FREM1: variants seen among roughly 807,000 people sequenced by gnomAD.
FREM1 encodes FRAS1-related extracellular matrix protein 1.
FREM1 carries 220 observed loss-of-function variants against 210.1 expected under a neutral mutation model. The ratio of observed to expected loss-of-function variants is 1.05; its 90% CI spans 0.94 to 1.17. The LOEUF is 1.17. Among genes scored for constraint, FREM1 ranks in the 50% most tolerant of loss-of-function variants. The pLI, the probability that FREM1 is intolerant of heterozygous loss-of-function variation, is 0.00. For missense variants in FREM1, 3,454 were observed against 2,675.5 expected (o/e 1.29, Z -6.42); for synonymous variants, 1,189 against 980.2 (o/e 1.21, Z -3.98).
intron 27 of FREM1, among the ~76,000 whole-genome samples, chr9:14,765,333 T>G (rs537774642): frequency 6.6e-6 from 1 of 152,198 alleles, no homozygotes; most frequent in Non-Finnish European, 1.5e-5. Context: ...TGCTTTAGAA[T>G]CAAGCACACC....
chr9:14,766,546 C>T (rs569833275), intron 27 of FREM1, among the ~76,000 whole-genome samples: 77 of 152,090 alleles, frequency 5.1e-4, no homozygotes, highest in Non-Finnish European at 5.9e-4. Context: ...ATGAATCTCA[C>T]GAAACAAGCA....
At position 14,801,747 on chromosome 9, in the gene FREM1, C is replaced by A; in HGVS notation, c.3599G>T (p.Gly1200Val). 4 of 1,613,900 alleles carry A rather than the reference C, an allele frequency of 2.5e-6. No individual in the cohort carries two copies. The highest frequency in any genetic ancestry group is 2.5e-6 in the Non-Finnish European group (3 of 1,179,858). ...KPRHGLLIDR[G>V]FSKDFSENKQ... ...ATTCTCAGAGAAGTCTTTGCTAAAC[C>A]CCCTATCGATGAGGAGGCCATGGCG... Residue 1200 changes from glycine (G) to valine (V), a missense_variant, in exon 20 of 37, where the codon GGG (glycine) becomes GTG (valine). Coordinates refer to ENST00000380880, the MANE Select transcript of FREM1 (RefSeq NM_001379081.2).
At chr9:14,767,593 C>T (rs1846667388) in intron 27 of FREM1, among the ~76,000 whole-genome samples, 7 of 152,086 alleles carry the variant, frequency 4.6e-5, no homozygotes, top group Admixed American at 3.9e-4. Context: ...TTGCAAATGG[C>T]TGTAATTTAT....
chr9:14,804,666 C>T (rs769903693), intron 19 of FREM1, among the ~76,000 whole-genome samples: 1 of 152,100 alleles, frequency 6.6e-6, no homozygotes, highest in Non-Finnish European at 1.5e-5. Flanking sequence ...TTCAGAAGCC[C>T]CGACCCTAGG....
At chr9:14,790,386 T>C (rs1043335684) in intron 22 of FREM1, among the ~76,000 whole-genome samples, 5 of 152,198 alleles carry the variant, frequency 3.3e-5, no homozygotes, top group Admixed American at 2.6e-4. Flanking sequence ...TGGAAGTTAA[T>C]TACATCATAA....
intron 2 of FREM1, among the ~76,000 whole-genome samples, chr9:14,866,543 C>T (rs761956524): frequency 6.6e-5 from 10 of 152,138 alleles, no homozygotes; most frequent in Admixed American, 2.0e-4. Context: ...ATCTGCAGGG[C>T]TTTTGTTTTG....
chr9:14,794,985 G>A (rs1455138562), intron 21 of FREM1, among the ~76,000 whole-genome samples: 4 of 130,390 alleles, frequency 3.1e-5, no homozygotes, highest in Non-Finnish European at 6.3e-5. Flanking sequence ...GTGACAGAGC[G>A]AGACTTTCTC....
At chr9:14,820,668 T>G (rs750139056) in intron 13 of FREM1, among the ~76,000 whole-genome samples, 1 of 152,172 alleles carries the variant, frequency 6.6e-6, no homozygotes, top group Non-Finnish European at 1.5e-5. Flanking sequence ...TCATGGAAAT[T>G]ATGAGACCTA....
intron 25 of FREM1, among the ~76,000 whole-genome samples, chr9:14,771,034 C>A (rs193054669): frequency 6.6e-6 from 1 of 152,270 alleles, no homozygotes; most frequent in African/African-American, 2.4e-5. Context: ...TCCACTTTAT[C>A]AATTTGTCTA....
intron 16 of FREM1, among the ~76,000 whole-genome samples, chr9:14,809,981 T>C (rs1283802561): frequency 6.6e-6 from 1 of 152,140 alleles, no homozygotes; most frequent in East Asian, 1.9e-4. Context: ...ATTTTATGTA[T>C]TCCGGCCTGA....
At chr9:14,787,886 T>C (rs1408472434) in intron 23 of FREM1, among the ~76,000 whole-genome samples, 1 of 152,170 alleles carries the variant, frequency 6.6e-6, no homozygotes, top group African/African-American at 2.4e-5. Context: ...CTGAAATCAC[T>C]CATTAGACTT....
chr9:14,881,398 C>G (rs181550630), intron 1 of FREM1, among the ~76,000 whole-genome samples: 1 of 151,366 alleles, frequency 6.6e-6, no homozygotes, highest in Non-Finnish European at 1.5e-5. Flanking sequence ...TCAATCTCAA[C>G]AGGAAAAAAA....
chr9:14,748,604 T>G lies in FREM1; in HGVS notation c.5593A>C (p.Lys1865Gln). The G allele has an allele frequency of 6.2e-7, 1 of 1,613,678 alleles. No homozygotes were observed. Among genetic ancestry groups the G allele is most frequent in the Non-Finnish European group, 8.5e-7 (1 of 1,179,716 alleles). ...CHPSYSSNQS[K>Q]HSTWEKGIWH... ...ATGCCCTTCTCCCATGTGCTGTGCT[T>G]GCTTTGGTTGGAGGAATATGAAGGA... Residue 1865 changes from lysine (K) to glutamine (Q), a missense_variant, in exon 31 of 37, where the codon AAG becomes CAG. Lys to Gln is a moderately conservative substitution (Grantham distance 53). Transcript: ENST00000380880.
At chr9:14,818,458 A>G (rs1307220620) in intron 14 of FREM1, among the ~76,000 whole-genome samples, 1 of 152,184 alleles carries the variant, frequency 6.6e-6, no homozygotes, top group South Asian at 2.1e-4. Flanking sequence ...TCTGATGTAT[A>G]ATATCTCCTA....
Position 14,784,590 on chromosome 9 carries a change from C to T in FREM1, c.4222G>A (p.Asp1408Asn). The change falls in exon 24 of 37, where the codon GAT (aspartate) becomes AAT (asparagine). Residue 1408 changes from aspartate to asparagine, a missense_variant. Coordinates refer to ENST00000380880, the MANE Select transcript of FREM1 (RefSeq NM_001379081.2). ...GTGGTGGTTGTTAAGAAACCTCTAT[C>T]ACCTTTAGACACCACGAGTGGTTTT... is the stretch of plus-strand genomic sequence containing the variant. The part of the protein sequence containing the change: ...LTKPLVVSKG[D>N]RGFLTTTTLL... 3 of 1,605,336 alleles carry T rather than the reference C, an allele frequency of 1.9e-6. No individual in the cohort carries two copies. Among genetic ancestry groups the T allele is most frequent in the South Asian group, 1.1e-5 (1 of 89,558 alleles).
rs1468458159 is a variant in FREM1 at position 14,861,098 on chromosome 9, AACATATATACACATATATAT to A, written c.330-1634_330-1615del. Among the ~76,000 whole-genome samples, 15 of 63,436 alleles carry A rather than the reference AACATATATACACATATATAT, an allele frequency of 2.4e-4. 1 individual carries two copies. Among genetic ancestry groups the A allele is most frequent in the Admixed American group, 5.6e-4 (3 of 5,376 alleles). The allele number at this position is 63,436 out of a possible 152,430, so 41.6% of individuals were successfully genotyped here. A position where few individuals can be genotyped will look rare whatever the true frequency, so the allele number is the denominator to read the frequency against. On this transcript the variant is annotated intron_variant, in intron 3 of 36. Coordinates refer to ENST00000380880, the MANE Select transcript of FREM1 (RefSeq NM_001379081.2). ...ATATACATATATACACATATATATA[AACATATATACACATATATAT>A]ACATATATACACATATATACATATA...
intron 27 of FREM1, among the ~76,000 whole-genome samples, chr9:14,768,318 GT>G (rs59443247): frequency 0.87 from 117,046 of 134,150 alleles, 52,018 homozygotes; most frequent in Non-Finnish European, 0.96. Context: ...TTTGGAGCAG[GT>G]TTTTTTTTTT....
At chr9:14,879,164 A>C (rs897134085) in intron 1 of FREM1, among the ~76,000 whole-genome samples, 2 of 151,950 alleles carry the variant, frequency 1.3e-5, no homozygotes, top group African/African-American at 2.4e-5. Flanking sequence ...TCTCAAAAAA[A>C]AAAAAAAAAG....
chr9:14,737,516 C>T lies in FREM1; in HGVS notation c.6420G>A (p.Gly2140=). Reference sequence around the variant, plus strand: ...TTCCAAGCTTGGAGCGTTGAGAGGGCCCTCTTCTCCCATTGGTGAAGGCAA... The same window carrying T: ...TTCCAAGCTTGGAGCGTTGAGAGGGTCCTCTTCTCCCATTGGTGAAGGCAA... ...EPVAFTNGRR[G]PSQRSKLGKS... Residue 2140 remains glycine (G), a synonymous_variant, in exon 37 of 37, where the codon GGG becomes GGA. Coordinates refer to ENST00000380880, the MANE Select transcript of FREM1 (RefSeq NM_001379081.2). 1 of 1,612,468 alleles carries T rather than the reference C, an allele frequency of 6.2e-7. No homozygotes were observed. The highest frequency in any genetic ancestry group is 8.5e-7 in the Non-Finnish European group (1 of 1,179,090).
Sources: gnomAD v4.1 joint callset for allele counts (sites outside exome capture counted in the v4.1 genomes callset) on GRCh38, gnomAD v4.1.1 for gene constraint, MANE v1.5 for transcripts, NCBI Gene and HGNC (gene_info 2026-07-23, HGNC 2026-07-21) for gene names.